Variants in ATP8B1 observed in about 807,000 individuals in gnomAD.
ATP8B1 encodes the protein ATPase phospholipid transporting 8B1, also known as phospholipid-transporting ATPase IC.
Under a neutral mutation model 149.9 loss-of-function variants are expected in ATP8B1, and 80 were observed. The observed-to-expected ratio is 0.53, with a 90% CI of 0.45 to 0.64. ATP8B1 has a LOEUF of 0.64. Among genes scored for constraint, ATP8B1 ranks in the 30% least tolerant of loss-of-function variants. ATP8B1 has a pLI of 0.00. For missense variants in ATP8B1, 1,247 were observed against 1,552.6 expected (o/e 0.80, Z 3.31); for synonymous variants, 536 against 562.8 (o/e 0.95, Z 0.67).
intron 2 of ATP8B1, among the ~76,000 whole-genome samples, chr18:57,724,319 C>T (rs1599157584): frequency 6.9e-6 from 1 of 144,750 alleles, no homozygotes; most frequent in Non-Finnish European, 1.5e-5. Context: ...AGGCAACCTA[C>T]AAAATGGGAG....
At chr18:57,734,916 C>T (rs958565689) in intron 1 of ATP8B1, among the ~76,000 whole-genome samples, 1 of 152,216 alleles carries the variant, frequency 6.6e-6, no homozygotes, top group African/African-American at 2.4e-5. Context: ...AGGAGGCTTG[C>T]AACTGAGCTC....
At chr18:57,703,341 G>A (rs1272898990) in intron 4 of ATP8B1, among the ~76,000 whole-genome samples, 1 of 152,096 alleles carries the variant, frequency 6.6e-6, no homozygotes, top group East Asian at 1.9e-4. Context: ...AGGCTGAGGC[G>A]GGTGGATCAC....
At chr18:57,786,253 G>A (rs541498016) in intron 1 of ATP8B1, among the ~76,000 whole-genome samples, 2 of 152,228 alleles carry the variant, frequency 1.3e-5, no homozygotes, top group East Asian at 3.9e-4. Flanking sequence ...ACACCCCTAG[G>A]CCCACATCTG....
chr18:57,740,073 AGTTTT>A (rs971595335), intron 1 of ATP8B1, among the ~76,000 whole-genome samples: 2 of 152,022 alleles, frequency 1.3e-5, no homozygotes, highest in Admixed American at 6.6e-5. Flanking sequence ...CGGCTATGGT[AGTTTT>A]GTTTTTTGTT....
intron 3 of ATP8B1, among the ~76,000 whole-genome samples, chr18:57,705,596 T>C (rs1913350092): frequency 6.6e-6 from 1 of 151,894 alleles, no homozygotes; most frequent in South Asian, 2.1e-4. Flanking sequence ...GAAGCAGAGA[T>C]TGGGGTGACT....
chr18:57,692,358 T>G (rs1912576471), intron 11 of ATP8B1, among the ~76,000 whole-genome samples: 2 of 151,896 alleles, frequency 1.3e-5, no homozygotes, highest in African/African-American at 4.8e-5. Context: ...ATATCTTACT[T>G]AGCATGAAAC....
At chr18:57,658,627 T>TGTGTGTGTG (rs1910170008) in intron 22 of ATP8B1, among the ~76,000 whole-genome samples, 1 of 144,988 alleles carries the variant, frequency 6.9e-6, no homozygotes, top group African/African-American at 2.6e-5. Context: ...AACAATTTCT[T>TGTGTGTGTG]TGTGTGTGTG....
chr18:57,757,680 G>T (rs2080098219), intron 1 of ATP8B1, among the ~76,000 whole-genome samples: 1 of 152,102 alleles, frequency 6.6e-6, no homozygotes, highest in African/African-American at 2.4e-5. Flanking sequence ...CTTTCTCAGT[G>T]AGAACCCTGG....
At chr18:57,663,650 G>C (rs1910654089) in intron 20 of ATP8B1, among the ~76,000 whole-genome samples, 1 of 151,556 alleles carries the variant, frequency 6.6e-6, no homozygotes, top group African/African-American at 2.4e-5. Flanking sequence ...ATCTTGCTTT[G>C]GTTTTGATTT....
intron 13 of ATP8B1, among the ~76,000 whole-genome samples, chr18:57,686,521 A>G (rs533327396): frequency 6.6e-6 from 1 of 152,172 alleles, no homozygotes; most frequent in African/African-American, 2.4e-5. Flanking sequence ...CCCGGGTTCA[A>G]GCGATTCTCC....
intron 1 of ATP8B1, among the ~76,000 whole-genome samples, chr18:57,776,686 TAA>T (rs751542237): frequency 3.4e-4 from 38 of 111,376 alleles, no homozygotes; most frequent in Non-Finnish European, 3.3e-4. Context: ...ACCAAGTCAC[TAA>T]AAAAAAAAAA....
chr18:57,680,620 A>AAAAC (rs1568193464), intron 15 of ATP8B1, among the ~76,000 whole-genome samples: 2,355 of 133,170 alleles, frequency 0.018, 76 homozygotes, highest in African/African-American at 0.059. Context: ...CAAAACAAAA[A>AAAAC]AAAAACCACA....
intron 27 of ATP8B1, among the ~76,000 whole-genome samples, 183 bp downstream of exon 27, chr18:57,650,184 C>T (rs1200498680): frequency 6.6e-6 from 1 of 152,126 alleles, no homozygotes; most frequent in Non-Finnish European, 1.5e-5. Flanking sequence ...TATTAAAAAG[C>T]AAGCACACTA....
chr18:57,701,535 G>C (rs1913122099), intron 4 of ATP8B1, among the ~76,000 whole-genome samples: 1 of 152,182 alleles, frequency 6.6e-6, no homozygotes, highest in Non-Finnish European at 1.5e-5. Flanking sequence ...CTAGAGGGCA[G>C]TGGCTCCTGA....
intron 1 of ATP8B1, among the ~76,000 whole-genome samples, chr18:57,745,364 C>T (rs964674962): frequency 2.0e-5 from 3 of 151,332 alleles, no homozygotes; most frequent in Admixed American, 6.6e-5. Flanking sequence ...CTCCGCCTCC[C>T]GGGCTCAAGC....
intron 20 of ATP8B1, among the ~76,000 whole-genome samples, chr18:57,665,443 T>A (rs1292042198): frequency 1.3e-5 from 2 of 152,170 alleles, no homozygotes; most frequent in Non-Finnish European, 2.9e-5. Flanking sequence ...GAAATTTTTT[T>A]ACAGCCCCAT....
At chr18:57,725,175 G>A (rs1302084680) in intron 2 of ATP8B1, among the ~76,000 whole-genome samples, 3 of 133,522 alleles carry the variant, frequency 2.2e-5, no homozygotes, top group South Asian at 2.6e-4. Flanking sequence ...TGGGTGCAGC[G>A]CACCAGCATG....
intron 1 of ATP8B1, among the ~76,000 whole-genome samples, chr18:57,748,192 G>A (rs1284822703): frequency 6.6e-6 from 1 of 152,146 alleles, no homozygotes; most frequent in Non-Finnish European, 1.5e-5. Context: ...TGTGTTCTAT[G>A]CATCAGGCTC....
chr18:57,659,460 CA>C (rs1910245683), intron 22 of ATP8B1, among the ~76,000 whole-genome samples: 1 of 151,756 alleles, frequency 6.6e-6, no homozygotes, highest in Admixed American at 6.6e-5. Flanking sequence ...ATCTCCAAAG[CA>C]AACCCGTCCC....
Sources: gnomAD v4.1 joint callset for allele counts (sites outside exome capture counted in the v4.1 genomes callset) on GRCh38, gnomAD v4.1.1 for gene constraint, MANE v1.5 for transcripts, NCBI Gene and HGNC (gene_info 2026-07-23, HGNC 2026-07-21) for gene names.